Variants in FBXL18 observed in about 807,000 individuals in gnomAD.
FBXL18 encodes F-box and leucine rich repeat protein 18, also known as F-box/LRR-repeat protein 18.
A neutral mutation model predicts 46.0 loss-of-function variants in FBXL18; 36 were observed. That is an observed-to-expected ratio of 0.78 (90% CI 0.60 to 1.03). FBXL18 has a LOEUF of 1.03. FBXL18 is among the 50% of genes least tolerant of loss of function. The pLI is 0.00. For synonymous variants in FBXL18, 557 were observed against 465.3 expected (o/e 1.20, Z -2.54); for missense variants, 977 against 1,004.1 (o/e 0.97, Z 0.36).
intron 4 of FBXL18, among the ~76,000 whole-genome samples, chr7:5,464,254 G>A (rs569003481): frequency 4.6e-5 from 7 of 151,792 alleles, no homozygotes; most frequent in South Asian, 2.1e-4. Flanking sequence ...CGAGGCAGGC[G>A]GATCACCTGA....
chr7:5,471,496 TCA>T (rs1278990295), downstream of FBXL18, among the ~76,000 whole-genome samples: 1 of 152,114 alleles, frequency 6.6e-6, no homozygotes, highest in Admixed American at 6.6e-5. Context: ...CAGGATGGTC[TCA>T]ATCTCCTGAC....
chr7:5,512,297 TAAAAAAAAAAA>T (rs71004681), intron 1 of FBXL18, among the ~76,000 whole-genome samples: 1 of 85,548 alleles, frequency 1.2e-5, no homozygotes. Context: ...AAGTGTTATT[TAAAAAAAAAAA>T]AAAAAAAAAA....
At chr7:5,456,241 C>T (rs546271349) in intron 4 of FBXL18, among the ~76,000 whole-genome samples, 1 of 152,224 alleles carries the variant, frequency 6.6e-6, no homozygotes, top group Admixed American at 6.5e-5. Flanking sequence ...CATCTGCTCT[C>T]TCGGGACAGT....
At chr7:5,500,454 G>A (rs1375740863) in intron 3 of FBXL18, 34 bp downstream of exon 3, 5 of 1,544,038 alleles carry the variant, frequency 3.2e-6, no homozygotes, top group South Asian at 2.5e-5. Flanking sequence ...CCAGCTTCCA[G>A]CAGAGGCCCG....
intron 3 of FBXL18, among the ~76,000 whole-genome samples, chr7:5,499,178 T>C (rs553377046): frequency 6.6e-6 from 1 of 152,214 alleles, no homozygotes; most frequent in African/African-American, 2.4e-5. Context: ...AGCCGACCTC[T>C]CCTGTCTCCT....
intron 4 of FBXL18, among the ~76,000 whole-genome samples, chr7:5,485,034 G>A (rs189497799): frequency 4.3e-4 from 66 of 152,016 alleles, no homozygotes; most frequent in African/African-American, 1.6e-3. Flanking sequence ...CTCCCCCCTT[G>A]GCCTCCCAAA....
In FBXL18 at chr7:5,467,979, G is replaced by T. The variant is rs181865525; in HGVS notation, c.2001-20136C>A. Among the ~76,000 whole-genome samples, 8 of 150,886 alleles carry T rather than the reference G, an allele frequency of 5.3e-5. No homozygotes were observed. The South Asian group carries it at 1.0e-3, about 20-fold the overall frequency. On this transcript the variant is annotated intron_variant and NMD_transcript_variant, in intron 4 of 6. Coordinates refer to the FBXL18 transcript ENST00000415009. Reference sequence around the variant, plus strand: ...CCCGAAATCCAATGATTGCAGCCTCGAACTTTTTTTTTTTTTTTTTGGAGA... The same window carrying T: ...CCCGAAATCCAATGATTGCAGCCTCTAACTTTTTTTTTTTTTTTTTGGAGA...
At chr7:5,510,417 C>T (rs1026837707) in intron 1 of FBXL18, among the ~76,000 whole-genome samples, 2 of 151,674 alleles carry the variant, frequency 1.3e-5, no homozygotes, top group Non-Finnish European at 2.9e-5. Flanking sequence ...GGCACGGTGG[C>T]TCACGCCTGT....
At chr7:5,483,835 G>A (rs556680631) in intron 4 of FBXL18, among the ~76,000 whole-genome samples, 9 of 152,256 alleles carry the variant, frequency 5.9e-5, no homozygotes, top group South Asian at 4.1e-4. Context: ...GAACCTCACC[G>A]TTTGCCAACA....
intron 4 of FBXL18, among the ~76,000 whole-genome samples, chr7:5,483,015 G>A (rs1396720454): frequency 6.6e-6 from 1 of 150,810 alleles, no homozygotes; most frequent in Non-Finnish European, 1.5e-5. Flanking sequence ...TCCAGCCTGG[G>A]CAACACAGTA....
At chr7:5,509,363 A>G (rs1366046629) in intron 1 of FBXL18, among the ~76,000 whole-genome samples, 1 of 152,112 alleles carries the variant, frequency 6.6e-6, no homozygotes, top group Non-Finnish European at 1.5e-5. Context: ...AGCAAATTCC[A>G]CAACATCATT....
intron 3 of FBXL18, among the ~76,000 whole-genome samples, chr7:5,494,190 TC>T (rs1784011840): frequency 6.6e-6 from 1 of 151,956 alleles, no homozygotes; most frequent in Non-Finnish European, 1.5e-5. Flanking sequence ...GAAAATCGTT[TC>T]TACCTGGGAG....
In FBXL18 at chr7:5,502,036, G is replaced by A. The variant is rs778822179; in HGVS notation, c.238-5C>T. ...CCTCACTTTGTCCTCGCTCGCCTGC[G>A]GGACAGAGGCAGGGTGGGGAGAGGA... On this transcript the variant is annotated splice_polypyrimidine_tract_variant and splice_region_variant and intron_variant, in intron 2 of 4. Transcript: ENST00000382368. 2 of 1,570,180 alleles carry A rather than the reference G, an allele frequency of 1.3e-6. No individual in the cohort carries two copies. The highest frequency in any genetic ancestry group is 1.2e-5 in the South Asian group (1 of 85,218).
chr7:5,495,429 A>G (rs1341485754), intron 3 of FBXL18, among the ~76,000 whole-genome samples: 1 of 152,182 alleles, frequency 6.6e-6, no homozygotes, highest in Non-Finnish European at 1.5e-5. Flanking sequence ...CCTCCACCGC[A>G]AGCAGGGCTT....
chr7:5,485,029 C>T (rs1020892222), intron 4 of FBXL18, among the ~76,000 whole-genome samples: 3 of 152,110 alleles, frequency 2.0e-5, no homozygotes, highest in Admixed American at 1.3e-4. Flanking sequence ...CAATCCTCCC[C>T]CCTTGGCCTC....
At position 5,491,219 on chromosome 7, in the gene FBXL18, C is replaced by A; in HGVS notation, c.2000+12G>T. 1 of 1,604,720 alleles carries A rather than the reference C, an allele frequency of 6.2e-7. No individual in the cohort carries two copies. Among genetic ancestry groups the A allele is most frequent in the East Asian group, 2.3e-5 (1 of 44,418 alleles). ...GCGGCCCCTGAAGCTGTACGCAACC[C>A]ACATCACTCACCTGCGGAGAAGCGA... On this transcript the variant is annotated intron_variant, in intron 4 of 4. Coordinates refer to ENST00000382368, the MANE Select transcript of FBXL18 (RefSeq NM_024963.6).
Position 5,479,395 on chromosome 7 carries a change from C to T in FBXL18, c.*2380G>A, listed in dbSNP as rs1174656552. On this transcript the variant is annotated 3_prime_UTR_variant, in exon 5 of 5. Transcript: ENST00000382368. ...GGCGGAGCTGCGGTGCCCAGAGACA[C>T]AGGCCCCCTGAGGGTCCGGGAACCT... 6.6e-6 allele frequency: 1 copy of T among 152,496 alleles called. No individual in the cohort carries two copies. Among genetic ancestry groups the T allele is most frequent in the South Asian group, 2.1e-4 (1 of 4,836 alleles). 9.4% of individuals were successfully genotyped at this position (152,496 alleles called of 1,614,324 possible). A position where few individuals can be genotyped will look rare whatever the true frequency, so the allele number is the denominator to read the frequency against.
intron 4 of FBXL18, among the ~76,000 whole-genome samples, chr7:5,462,876 A>G (rs1238989261): frequency 1.4e-5 from 2 of 145,166 alleles, no homozygotes; most frequent in African/African-American, 2.5e-5. Context: ...GTGTGAACCC[A>G]GGAGGCGGAG....
intron 4 of FBXL18, among the ~76,000 whole-genome samples, chr7:5,483,661 T>G (rs1255121225): frequency 6.6e-6 from 1 of 151,434 alleles, no homozygotes; most frequent in Non-Finnish European, 1.5e-5. Context: ...GGAGAATCAC[T>G]TGAACCTGGG....
Sources: allele counts gnomAD v4.1 joint callset (sites outside exome capture counted in the v4.1 genomes callset), GRCh38; gene constraint gnomAD v4.1.1; transcripts MANE v1.5; gene names NCBI Gene and HGNC (gene_info 2026-07-23, HGNC 2026-07-21).